The following SHISA9 variants were observed in gnomAD, a reference collection of about 807,000 sequenced individuals.
SHISA9 encodes the protein shisa family member 9.
In SHISA9, 13 loss-of-function variants were observed where a neutral mutation model predicts 38.0. The ratio of observed to expected loss-of-function variants is 0.34; its 90% CI spans 0.22 to 0.54. The LOEUF (loss-of-function observed/expected upper bound fraction) is 0.54, where lower values mean the gene tolerates loss of function less well. Ranked by LOEUF, SHISA9 falls within the 20% of genes least tolerant of loss-of-function variation. The probability of loss-of-function intolerance (pLI) is 0.91; values close to 1 mark genes in which losing one functional copy is unlikely to be tolerated. For synonymous variants in SHISA9, 275 were observed against 242.0 expected, an observed-to-expected ratio of 1.14 and a Z score of -1.27; for missense variants, 538 against 575.8, an observed-to-expected ratio of 0.93 and a Z score of 0.67.
chr16:13,492,359 G>C, the SHISA9 span, among the ~76,000 whole-genome samples: 287 of 152,302 alleles, frequency 1.9e-3, no homozygotes, highest in African/African-American at 6.4e-3. Flanking sequence ...TGTTCTTGGA[G>C]AGCCTCTGGG....
chr16:13,381,874 T>C, the SHISA9 span, among the ~76,000 whole-genome samples: 1 of 152,198 alleles, frequency 6.6e-6, no homozygotes, highest in African/African-American at 2.4e-5. Context: ...GAACTAATTA[T>C]GTGTATTATT....
chr16:13,465,688 C>T, the SHISA9 span, among the ~76,000 whole-genome samples: 1 of 152,180 alleles, frequency 6.6e-6, no homozygotes, highest in African/African-American at 2.4e-5. Context: ...AGGTGATACA[C>T]CTTTGAAGGC....
chr16:13,477,690 C>T, the SHISA9 span, among the ~76,000 whole-genome samples: 1 of 152,318 alleles, frequency 6.6e-6, no homozygotes, highest in Non-Finnish European at 1.5e-5. Context: ...TTGGGCCAGG[C>T]GCGATGGCTC....
chr16:13,562,173 T>A, the SHISA9 span, among the ~76,000 whole-genome samples: 9 of 152,340 alleles, frequency 5.9e-5, no homozygotes, highest in African/African-American at 2.2e-4. Flanking sequence ...GGGGAAATTG[T>A]CTGATTAACC....
At chr16:12,922,779 C>T (rs1304671495) in intron 2 of SHISA9, among the ~76,000 whole-genome samples, 1 of 152,094 alleles carries the variant, frequency 6.6e-6, no homozygotes, top group Non-Finnish European at 1.5e-5. Flanking sequence ...CTTAGCCTCC[C>T]AAAGTGCTGG....
chr16:13,484,748 C>G, the SHISA9 span, among the ~76,000 whole-genome samples: 13 of 152,182 alleles, frequency 8.5e-5, no homozygotes, highest in Non-Finnish European at 1.6e-4. Flanking sequence ...GGAGACAGCT[C>G]TTACATGGCT....
chr16:12,981,357 A>C (rs939517929), intron 2 of SHISA9, among the ~76,000 whole-genome samples: 1 of 152,220 alleles, frequency 6.6e-6, no homozygotes, highest in Admixed American at 6.5e-5. Flanking sequence ...TGTTTGCCCC[A>C]GGGCAATGGC....
chr16:13,173,714 A>G (rs1211662671), intron 2 of SHISA9, among the ~76,000 whole-genome samples: 1 of 152,152 alleles, frequency 6.6e-6, no homozygotes, highest in African/African-American at 2.4e-5. Flanking sequence ...TTTTCCCAAG[A>G]TGTCAATTGT....
the SHISA9 span, among the ~76,000 whole-genome samples, chr16:13,501,405 T>C: frequency 6.6e-6 from 1 of 151,996 alleles, no homozygotes; most frequent in African/African-American, 2.4e-5. Context: ...GAAAGGAGTA[T>C]AAGAAAGATA....
the SHISA9 span, among the ~76,000 whole-genome samples, chr16:13,353,443 G>T: frequency 6.6e-6 from 1 of 152,138 alleles, no homozygotes; most frequent in Non-Finnish European, 1.5e-5. Flanking sequence ...GCAGTTTGGG[G>T]ATAGCACCAG....
the SHISA9 span, among the ~76,000 whole-genome samples, chr16:13,249,545 T>C: frequency 6.6e-6 from 1 of 152,162 alleles, no homozygotes; most frequent in Non-Finnish European, 1.5e-5. Flanking sequence ...CAGGCACAGG[T>C]CCTGCCTTCC....
At chr16:13,110,034 G>A (rs1373628905) in intron 2 of SHISA9, among the ~76,000 whole-genome samples, 1 of 152,070 alleles carries the variant, frequency 6.6e-6, no homozygotes, top group African/African-American at 2.4e-5. Context: ...GAATTGCTGG[G>A]TAATATATAT....
the SHISA9 span, among the ~76,000 whole-genome samples, chr16:13,405,845 A>G: frequency 6.6e-6 from 1 of 152,004 alleles, no homozygotes; most frequent in African/African-American, 2.4e-5. Context: ...TGGTGTATAC[A>G]TACCACATAT....
chr16:13,496,667 G>A, the SHISA9 span, among the ~76,000 whole-genome samples: 2 of 151,926 alleles, frequency 1.3e-5, no homozygotes, highest in Non-Finnish European at 2.9e-5. Context: ...AATAATTATC[G>A]TCTGGAGGTG....
the SHISA9 span, among the ~76,000 whole-genome samples, chr16:13,373,620 G>A: frequency 6.6e-6 from 1 of 152,108 alleles, no homozygotes; most frequent in Non-Finnish European, 1.5e-5. Context: ...AAATCAGCCG[G>A]GCATGGTAGC....
the SHISA9 span, among the ~76,000 whole-genome samples, chr16:13,362,425 C>T: frequency 6.6e-6 from 1 of 151,936 alleles, no homozygotes; most frequent in Non-Finnish European, 1.5e-5. Flanking sequence ...GAGACCCTGT[C>T]TCAGACCAAA....
intron 2 of SHISA9, among the ~76,000 whole-genome samples, chr16:13,163,062 A>T (rs2050609180): frequency 6.6e-6 from 1 of 152,212 alleles, no homozygotes; most frequent in African/African-American, 2.4e-5. Flanking sequence ...TCTGAAAGCC[A>T]GTGATTTTAA....
At chr16:13,168,650 G>T (rs1263334265) in intron 2 of SHISA9, among the ~76,000 whole-genome samples, 4 of 152,244 alleles carry the variant, frequency 2.6e-5, no homozygotes, top group Non-Finnish European at 5.9e-5. Context: ...AGCAGTGAGA[G>T]CTTAGGAGCA....
At chr16:13,085,089 G>A (rs1340379342) in intron 2 of SHISA9, among the ~76,000 whole-genome samples, 3 of 152,182 alleles carry the variant, frequency 2.0e-5, no homozygotes, top group African/African-American at 7.2e-5. Context: ...GACTTGTGTT[G>A]TAGAAGTATC....
Sources: gnomAD v4.1 joint callset for allele counts (sites outside exome capture counted in the v4.1 genomes callset) on GRCh38, gnomAD v4.1.1 for gene constraint, MANE v1.5 for transcripts, NCBI Gene and HGNC (gene_info 2026-07-23, HGNC 2026-07-21) for gene names.